LGALS8: variants seen among roughly 807,000 people sequenced by gnomAD.
LGALS8 encodes the protein galectin-8.
Under a neutral mutation model 35.9 loss-of-function variants are expected in LGALS8, and 30 were observed. The observed-to-expected ratio is 0.83, with a 90% CI of 0.62 to 1.13. The LOEUF (loss-of-function observed/expected upper bound fraction) is 1.13, where lower values mean the gene tolerates loss of function less well. Ranked by LOEUF, LGALS8 falls within the 50% of genes most tolerant of loss-of-function variation. The probability of loss-of-function intolerance (pLI) is 0.00; values close to 1 mark genes in which losing one functional copy is unlikely to be tolerated. For missense variants in LGALS8, 366 were observed against 388.7 expected (o/e 0.94, Z 0.49); for synonymous variants, 138 against 136.1 (o/e 1.01, Z -0.10).
intron 5 of LGALS8, 37 bp from the exon 6 acceptor site, chr1:236,541,617 T>G (rs1340557121): frequency 2.8e-6 from 3 of 1,074,626 alleles, no homozygotes; most frequent in Non-Finnish European, 4.1e-6. Flanking sequence ...TATTTTCTAC[T>G]GGATGTTACA....
upstream of LGALS8, among the ~76,000 whole-genome samples, chr1:236,520,682 GGTT>G (rs1196416876): frequency 6.6e-6 from 1 of 152,072 alleles, no homozygotes; most frequent in African/African-American, 2.4e-5. Flanking sequence ...AAATTCCCCT[GGTT>G]GTCCCTTCTC....
chr1:236,538,433 G>A (rs34646920), intron 3 of LGALS8, among the ~76,000 whole-genome samples: 92,677 of 151,776 alleles, frequency 0.61, 29,172 homozygotes, highest in Non-Finnish European at 0.69. Flanking sequence ...CCCCTTTCCC[G>A]TTTTCCTTGG....
chr1:236,539,841 C>T (rs1048611737), intron 4 of LGALS8, among the ~76,000 whole-genome samples: 1 of 152,186 alleles, frequency 6.6e-6, no homozygotes, highest in Non-Finnish European at 1.5e-5. Context: ...CAGTTTTTAA[C>T]AGTTGTGCTT....
chr1:236,536,249 T>G (rs1661494618), intron 2 of LGALS8: 1 of 152,132 alleles, frequency 6.6e-6, no homozygotes, highest in Non-Finnish European at 1.5e-5. Context: ...ACCATGCACA[T>G]CGTAATTTGA....
chr1:236,537,354 T>A, intron 2 of LGALS8, 143 bp from the exon 3 acceptor site: 1 of 623,596 alleles, frequency 1.6e-6, no homozygotes, highest in South Asian at 1.8e-5. Context: ...GAAAGATGAC[T>A]TGGAAAATGC....
rs1327914876 is a variant in LGALS8, at chr1:236,549,310, T to C, written c.*1149T>C. 4 of 224,418 alleles carry C rather than the reference T, an allele frequency of 1.8e-5. No individual in the cohort carries two copies. Among genetic ancestry groups the C allele is most frequent in the Non-Finnish European group, 2.6e-5 (3 of 115,952 alleles). 13.9% of individuals were successfully genotyped at this position (224,418 alleles called of 1,614,324 possible). ...GATTTTTCTATTATTTGAGGGGAGTTGGCAGAAGTTCCATGTATATGGGAT... is the reference window on the plus strand; with the variant it reads ...GATTTTTCTATTATTTGAGGGGAGTCGGCAGAAGTTCCATGTATATGGGAT... On this transcript the variant is annotated 3_prime_UTR_variant, in exon 10 of 10. Transcript: ENST00000366584.
chr1:236,538,101 A>AG (rs1553277098), intron 3 of LGALS8, among the ~76,000 whole-genome samples: 6 of 96,088 alleles, frequency 6.2e-5, no homozygotes, highest in African/African-American at 1.0e-4. Flanking sequence ...AAAAAAAAGA[A>AG]AAAGAAAAAG....
chr1:236,531,915 A>C (rs930811625), intron 2 of LGALS8, among the ~76,000 whole-genome samples: 1 of 152,186 alleles, frequency 6.6e-6, no homozygotes, highest in Non-Finnish European at 1.5e-5. Context: ...GGTGAATTCC[A>C]GGGGAAATCC....
At chr1:236,539,460 A>G (rs1236913807) in intron 4 of LGALS8, among the ~76,000 whole-genome samples, 1 of 152,174 alleles carries the variant, frequency 6.6e-6, no homozygotes, top group Non-Finnish European at 1.5e-5. Flanking sequence ...AAGAAATCAG[A>G]AGGGTTTTGT....
At chr1:236,537,689 C>T (rs940318351) in intron 3 of LGALS8, 104 bp downstream of exon 3, 1 of 806,694 alleles carries the variant, frequency 1.2e-6, no homozygotes, top group Non-Finnish European at 2.1e-6. Flanking sequence ...ACTTTGAGGC[C>T]CAATTAGCTT....
chr1:236,533,522 T>C (rs819422), intron 2 of LGALS8, among the ~76,000 whole-genome samples: 58,638 of 151,796 alleles, frequency 0.39, 12,183 homozygotes, highest in South Asian at 0.54. Context: ...TTAGTAGAGA[T>C]GGGGTTTCTC....
chr1:236,539,176 T>C, intron 4 of LGALS8, 87 bp downstream of exon 4: 3 of 1,017,398 alleles, frequency 2.9e-6, no homozygotes, highest in Non-Finnish European at 3.1e-6. Flanking sequence ...CCCAGCCTTA[T>C]ATTTCCTACA....
intron 2 of LGALS8, among the ~76,000 whole-genome samples, chr1:236,533,794 A>G (rs1287084794): frequency 1.3e-5 from 2 of 152,170 alleles, no homozygotes; most frequent in East Asian, 3.9e-4. Context: ...ATAGGTAGCC[A>G]CAGATACACA....
intron 2 of LGALS8, among the ~76,000 whole-genome samples, chr1:236,529,700 G>C (rs1661040796): frequency 1.5e-5 from 2 of 136,002 alleles, no homozygotes; most frequent in Non-Finnish European, 3.1e-5. Context: ...CCATGCTGGA[G>C]TGCAGTGGTG....
rs1662720238 is a variant in LGALS8 at position 236,551,122 on chromosome 1, A to G, written c.*2961A>G. On this transcript the variant is annotated 3_prime_UTR_variant, in exon 10 of 10. Coordinates refer to ENST00000366584, the MANE Select transcript of LGALS8 (RefSeq NM_201544.4). ...TCAAAAGAGTGAAATGAAGCACATTAACAAAGCAGGAGGCGCCACGGACCG... is the reference window on the plus strand; with the variant it reads ...TCAAAAGAGTGAAATGAAGCACATTGACAAAGCAGGAGGCGCCACGGACCG... 1.2e-5 allele frequency: 9 copies of G among 728,792 alleles called. No homozygotes were observed. The highest frequency in any genetic ancestry group is 8.0e-4 in the Middle Eastern group (2 of 2,514). 45.1% of individuals were successfully genotyped at this position (728,792 alleles called of 1,614,324 possible).
intron 2 of LGALS8, among the ~76,000 whole-genome samples, chr1:236,534,581 G>A (rs562408806): frequency 4.0e-5 from 6 of 151,708 alleles, no homozygotes; most frequent in Admixed American, 6.6e-5. Context: ...ATGAGTCAGC[G>A]GCAGGGCACT....
chr1:236,536,712 G>A (rs969779505), intron 2 of LGALS8: 1 of 152,558 alleles, frequency 6.6e-6, no homozygotes, highest in South Asian at 2.1e-4. Flanking sequence ...GCTTAACGTG[G>A]AGTTTCCTTC....
In LGALS8 at chr1:236,540,547, C is replaced by A; in HGVS notation, c.346-17C>A. The stretch of plus-strand genomic sequence containing the variant: ...TTTTTGGTGGCGGGGGGGGCTCTGT[C>A]TTCTGTATCTCTCTAGGTGGCTGTA... On this transcript the variant is annotated splice_polypyrimidine_tract_variant and intron_variant, in intron 4 of 9. Transcript: ENST00000366584. 1 of 1,534,496 alleles carries A rather than the reference C, an allele frequency of 6.5e-7. No individual in the cohort carries two copies. The highest frequency in any genetic ancestry group is 2.2e-5 in the Admixed American group (1 of 46,188).
intron 2 of LGALS8, among the ~76,000 whole-genome samples, chr1:236,529,540 C>T (rs1262018628): frequency 7.2e-6 from 1 of 138,578 alleles, no homozygotes; most frequent in Non-Finnish European, 1.5e-5. Context: ...CAAGATTGCA[C>T]AACTGCACTG....
Sources: allele counts gnomAD v4.1 joint callset (sites outside exome capture counted in the v4.1 genomes callset), GRCh38; gene constraint gnomAD v4.1.1; transcripts MANE v1.5; gene names NCBI Gene and HGNC (gene_info 2026-07-23, HGNC 2026-07-21).